The following GRM4 variants were observed in gnomAD, a reference collection of about 807,000 sequenced individuals.
GRM4 encodes metabotropic glutamate receptor 4.
A neutral mutation model predicts 81.7 loss-of-function variants in GRM4; 28 were observed. The observed-to-expected ratio is 0.34, with a 90% CI of 0.25 to 0.47. The LOEUF (loss-of-function observed/expected upper bound fraction) is 0.47, where lower values mean the gene tolerates loss of function less well. Ranked by LOEUF, GRM4 falls within the 20% of genes least tolerant of loss-of-function variation. GRM4 has a pLI of 1.00. For synonymous variants in GRM4, 488 were observed against 528.8 expected (o/e 0.92, Z 1.06); for missense variants, 948 against 1,290.0 (o/e 0.73, Z 4.06).
At chr6:34,023,091 G>A (rs1763969621) in intron 10 of GRM4, among the ~76,000 whole-genome samples, 1 of 152,196 alleles carries the variant, frequency 6.6e-6, no homozygotes, top group Non-Finnish European at 1.5e-5. Flanking sequence ...TCCAGGGACT[G>A]GGCCCATGTT....
chr6:34,120,045 T>C (rs912174946), intron 2 of GRM4, among the ~76,000 whole-genome samples: 4 of 152,174 alleles, frequency 2.6e-5, no homozygotes, highest in Admixed American at 6.5e-5. Flanking sequence ...TCTTGGTACC[T>C]TGAAGACCGA....
Position 34,092,548 on chromosome 6 carries a change from C to T in GRM4, c.520-449G>A, listed in dbSNP as rs1160571039. Among the ~76,000 whole-genome samples, 1 of 152,072 alleles carries T rather than the reference C, an allele frequency of 6.6e-6. No homozygotes were observed. The highest frequency in any genetic ancestry group is 1.5e-5 in the Non-Finnish European group (1 of 67,994). Reference sequence around the variant, plus strand: ...GTCAGGACCCAGCAGACCCTGTCCCCACAGCTCTCTGCCAGCTCAGCCTCC... The same window carrying T: ...GTCAGGACCCAGCAGACCCTGTCCCTACAGCTCTCTGCCAGCTCAGCCTCC... On this transcript the variant is annotated intron_variant, in intron 2 of 10. Transcript: ENST00000538487. The surrounding 1 kb of genome is among the most constrained non-coding windows in gnomAD (Gnocchi z 6.8).
chr6:34,136,514 T>G lies in GRM4; in HGVS notation c.-363-2655A>C, dbSNP rs1223740791. 3.3e-5 allele frequency among the ~76,000 whole-genome samples: 5 copies of G among 151,358 alleles called. No individual in the cohort carries two copies. Among genetic ancestry groups the G allele is most frequent in the Non-Finnish European group, 5.9e-5 (4 of 67,912 alleles). ...CTTCGTGAGGGCTCACACTGGCTTC[T>G]CCTTGAGGCCGGAGCACGTCTGGGC... On this transcript the variant is annotated intron_variant, in intron 1 of 10. Coordinates refer to ENST00000538487, the MANE Select transcript of GRM4 (RefSeq NM_000841.4). The surrounding 1 kb of genome is among the most constrained non-coding windows in gnomAD (Gnocchi z 4.1).
intron 2 of GRM4, among the ~76,000 whole-genome samples, chr6:34,124,429 A>G (rs1769935996): frequency 6.6e-6 from 1 of 152,162 alleles, no homozygotes; most frequent in Non-Finnish European, 1.5e-5. Context: ...TCTGCAGGAC[A>G]CTGCTCCCCT....
chr6:34,110,769 T>TC, intron 2 of GRM4: 1 of 1,454,606 alleles, frequency 6.9e-7, no homozygotes, highest in Non-Finnish European at 9.0e-7. Flanking sequence ...GCATCAGAGA[T>TC]CAAAGTGGTG....
chr6:34,126,055 G>A (rs1770010026), intron 2 of GRM4, among the ~76,000 whole-genome samples: 1 of 152,182 alleles, frequency 6.6e-6, no homozygotes. Context: ...TTTCACAGGC[G>A]AGTAAACTGA....
rs2087492 is a variant in GRM4 at position 34,110,201 on chromosome 6, C to T, written c.520-18102G>A. Among the ~76,000 whole-genome samples the T allele has an allele frequency of 3.3e-5, 5 of 151,614 alleles. No homozygotes were observed. The South Asian group carries it at 1.0e-3, about 32-fold the overall frequency. On this transcript the variant is annotated intron_variant, in intron 2 of 10. Transcript: ENST00000538487. ...TCCAGCTACTCGGGAAGCTGAGGTA[C>T]GAGGATCGCTTGAGCCCGGGAGGTC...
chr6:34,110,742 G>C (rs1246771777), intron 2 of GRM4: 2 of 1,500,928 alleles, frequency 1.3e-6, no homozygotes, highest in Non-Finnish European at 1.8e-6. Flanking sequence ...AGCACCTGCA[G>C]CCCGTGAGTC....
rs1769551277 is a variant in GRM4 at position 34,115,355 on chromosome 6, G to A, written c.519+17623C>T. 6.6e-6 allele frequency among the ~76,000 whole-genome samples: 1 copy of A among 152,230 alleles called. No homozygotes were observed. ...TTCCCTACATTGTTAGCGCAGTAGAGAGAGCAACCGTGTCTCCAGGCTTCA... is the reference window on the plus strand; with the variant it reads ...TTCCCTACATTGTTAGCGCAGTAGAAAGAGCAACCGTGTCTCCAGGCTTCA... On this transcript the variant is annotated intron_variant, in intron 2 of 10. Transcript: ENST00000538487. The surrounding 1 kb of genome is among the most constrained non-coding windows in gnomAD (Gnocchi z 4.1).
At chr6:34,061,626 C>T in intron 4 of GRM4, 1 of 394,684 alleles carries the variant, frequency 2.5e-6, no homozygotes, top group Non-Finnish European at 4.6e-6. Context: ...ACGGCCTCAG[C>T]CCTCTGTTAA....
At chr6:34,137,751 T>A (rs75976022) in intron 1 of GRM4, among the ~76,000 whole-genome samples, 70 of 34,376 alleles carry the variant, frequency 2.0e-3, no homozygotes, top group Non-Finnish European at 5.3e-3. Context: ...GCCCACATAA[T>A]TTTTTTTTTT....
At position 34,035,207 on chromosome 6, in the gene GRM4, T is replaced by A. The variant is rs1764624165; in HGVS notation, c.2442+461A>T. 6.7e-6 allele frequency among the ~76,000 whole-genome samples: 1 copy of A among 148,272 alleles called. No homozygotes were observed. The highest frequency in any genetic ancestry group is 2.5e-5 in the African/African-American group (1 of 39,864). On this transcript the variant is annotated intron_variant, in intron 9 of 10. Transcript: ENST00000538487. The surrounding 1 kb of genome is among the most constrained non-coding windows in gnomAD (Gnocchi z 6.6). Reference sequence around the variant, plus strand: ...TGAAGAGTGAAGGAGGGTACAGCGCTCCAGGCTTATGGAGGGGGGAAGGGG... The same window carrying A: ...TGAAGAGTGAAGGAGGGTACAGCGCACCAGGCTTATGGAGGGGGGAAGGGG...
chr6:34,047,609 AT>A lies in GRM4; in HGVS notation c.1169-6862del, dbSNP rs1765418730. 6.6e-6 allele frequency among the ~76,000 whole-genome samples: 1 copy of A among 151,982 alleles called. No homozygotes were observed. The highest frequency in any genetic ancestry group is 1.5e-5 in the Non-Finnish European group (1 of 68,002). ...AAGTCGCCTGCCTTCCAGTCTGGGA[AT>A]TTCTAACCCACTTGGCTGGGTCTCC... On this transcript the variant is annotated intron_variant, in intron 6 of 10. Transcript: ENST00000538487. The surrounding 1 kb of genome is among the most constrained non-coding windows in gnomAD (Gnocchi z 4.5).
intron 3 of GRM4, among the ~76,000 whole-genome samples, chr6:34,071,710 ATG>A (rs1301665432): frequency 4.1e-5 from 6 of 144,810 alleles, no homozygotes; most frequent in South Asian, 2.2e-4. Context: ...GATACACACC[ATG>A]CACACACATC....
At chr6:34,062,269 AG>A in intron 3 of GRM4, 1 of 443,842 alleles carries the variant, frequency 2.3e-6, no homozygotes, top group Non-Finnish European at 4.0e-6. Context: ...TCTGAGCCTC[AG>A]TTTCCCCATA....
Position 34,020,101 on chromosome 6 carries a change from C to G in GRM4, c.*2720G>C, listed in dbSNP as rs1195679666. On this transcript the variant is annotated 3_prime_UTR_variant, in exon 11 of 11. Transcript: ENST00000538487. ...AAAGTCACACCCACCCAAGGCTTCCCTCCTCCACCCACCTCATTCTAACAG... is the reference window on the plus strand; with the variant it reads ...AAAGTCACACCCACCCAAGGCTTCCGTCCTCCACCCACCTCATTCTAACAG... The G allele has an allele frequency of 6.6e-6, 1 of 152,622 alleles. No individual in the cohort carries two copies. 9.5% of individuals were successfully genotyped at this position (152,622 alleles called of 1,614,324 possible).
Position 34,022,587 on chromosome 6 carries a change from G to A in GRM4, c.*234C>T, listed in dbSNP as rs370766041. On this transcript the variant is annotated 3_prime_UTR_variant, in exon 11 of 11. Transcript: ENST00000538487. The surrounding 1 kb of genome is among the most constrained non-coding windows in gnomAD (Gnocchi z 5.6). ...GCCGGGAGGGGCAATGGTCCAAGAC[G>A]CAGGTTCTTGTGGTAGCCTGGCACC... The A allele has an allele frequency of 5.2e-6, 3 of 574,038 alleles. No individual in the cohort carries two copies. Among genetic ancestry groups the A allele is most frequent in the Non-Finnish European group, 9.4e-6 (3 of 319,736 alleles). The allele number at this position is 574,038 out of a possible 1,614,324, so 35.6% of individuals were successfully genotyped here.
exon 1 of GRM4, chr6:34,155,597 C>G (rs1210215433): frequency 6.5e-6 from 3 of 460,994 alleles, no homozygotes; most frequent in Non-Finnish European, 1.1e-5. Flanking sequence ...TGGGCTCAAG[C>G]GATCCTCCAG....
At chr6:34,055,541 A>G (rs1765829404) in intron 6 of GRM4, 2 of 152,234 alleles carry the variant, frequency 1.3e-5, no homozygotes, top group African/African-American at 4.8e-5. Flanking sequence ...TGCACGATCA[A>G]GTCTGAGAGA....
Sources: gnomAD v4.1 joint callset for allele counts (sites outside exome capture counted in the v4.1 genomes callset) on GRCh38, gnomAD v4.1.1 for gene constraint, Gnocchi (gnomAD v3.1) non-coding constraint, MANE v1.5 for transcripts, NCBI Gene and HGNC (gene_info 2026-07-23, HGNC 2026-07-21) for gene names.